Variants in TMEM131 observed in about 807,000 individuals in gnomAD.
The protein encoded by TMEM131 is transmembrane protein 131.
Under a neutral mutation model 211.6 loss-of-function variants are expected in TMEM131, and 66 were observed. The ratio of observed to expected loss-of-function variants is 0.31; its 90% CI spans 0.26 to 0.38. The LOEUF is 0.38. Among genes scored for constraint, TMEM131 ranks in the 10% least tolerant of loss-of-function variants. The pLI is 1.00. For missense variants in TMEM131, 2,036 were observed against 2,299.3 expected (o/e 0.89, Z 2.34); for synonymous variants, 844 against 841.3 (o/e 1.00, Z -0.06).
chr2:97,963,323 T>C, intron 1 of TMEM131, among the ~76,000 whole-genome samples: 1 of 152,200 alleles, frequency 6.6e-6, no homozygotes. Flanking sequence ...CTTTTATTAA[T>C]TTCTTGTATG....
chr2:97,800,803 G>A (rs1680997866), intron 25 of TMEM131, among the ~76,000 whole-genome samples: 1 of 151,830 alleles, frequency 6.6e-6, no homozygotes, highest in Admixed American at 6.6e-5. Flanking sequence ...GGAAGTTCTG[G>A]TTACTGAGCC....
chr2:97,905,395 G>C (rs1676027524), intron 3 of TMEM131, among the ~76,000 whole-genome samples: 1 of 152,088 alleles, frequency 6.6e-6, no homozygotes, highest in African/African-American at 2.4e-5. Context: ...TCGACAACTT[G>C]AATATTATCT....
intron 4 of TMEM131, among the ~76,000 whole-genome samples, chr2:97,881,948 G>A (rs1674954194): frequency 6.6e-6 from 1 of 152,106 alleles, no homozygotes; most frequent in African/African-American, 2.4e-5. Flanking sequence ...CTTTAAAAGA[G>A]GATCTATTCT....
chr2:97,805,774 G>T, intron 19 of TMEM131, 71 bp from the exon 20 acceptor site: 1 of 1,376,448 alleles, frequency 7.3e-7, no homozygotes, highest in Non-Finnish European at 9.8e-7. Context: ...AAGTTTCAGA[G>T]TAGACAAGCA....
intron 33 of TMEM131, among the ~76,000 whole-genome samples, chr2:97,770,447 C>T (rs1358032619): frequency 6.6e-6 from 1 of 152,200 alleles, no homozygotes; most frequent in Non-Finnish European, 1.5e-5. Context: ...AATGATTTAT[C>T]TTTTAACTAC....
chr2:97,853,365 C>T (rs925169985), intron 5 of TMEM131, among the ~76,000 whole-genome samples: 9 of 143,262 alleles, frequency 6.3e-5, no homozygotes, highest in East Asian at 2.1e-4. Context: ...GAGGCTGAGG[C>T]GGGTGGATCA....
At chr2:97,927,189 C>T (rs138588780) in intron 2 of TMEM131, among the ~76,000 whole-genome samples, 1 of 152,180 alleles carries the variant, frequency 6.6e-6, no homozygotes, top group East Asian at 1.9e-4. Context: ...TGATAATGTA[C>T]TTATTTACAA....
At chr2:97,943,561 T>A (rs1410421267) in intron 1 of TMEM131, among the ~76,000 whole-genome samples, 1 of 152,210 alleles carries the variant, frequency 6.6e-6, no homozygotes, top group Non-Finnish European at 1.5e-5. Context: ...TAAGCTAGAA[T>A]ACTTAATAAT....
At chr2:97,797,792 C>G (rs1439704639) in intron 25 of TMEM131, among the ~76,000 whole-genome samples, 2 of 152,248 alleles carry the variant, frequency 1.3e-5, no homozygotes, top group Non-Finnish European at 2.9e-5. Context: ...TTTTTGGATA[C>G]ATATCTTTTT....
chr2:97,812,897 G>A (rs900262712), intron 15 of TMEM131, 148 bp from the exon 16 acceptor site: 21 of 456,918 alleles, frequency 4.6e-5, no homozygotes, highest in Admixed American at 8.1e-5. Context: ...CCAGCTACTC[G>A]GAAGGCTGAG....
intron 2 of TMEM131, among the ~76,000 whole-genome samples, chr2:97,919,321 T>C (rs1221378187): frequency 1.3e-5 from 2 of 152,250 alleles, no homozygotes; most frequent in Non-Finnish European, 2.9e-5. Flanking sequence ...TTATTTCCTT[T>C]GGCACAAATT....
chr2:97,859,203 T>C, intron 5 of TMEM131, 101 bp downstream of exon 5: 1 of 1,254,362 alleles, frequency 8.0e-7, no homozygotes, highest in Admixed American at 2.7e-5. Context: ...AGATTTGAAA[T>C]ATTCAAACCC....
At chr2:97,817,994 TTGTGAC>T (rs1426062228) in intron 12 of TMEM131, among the ~76,000 whole-genome samples, 4 of 152,330 alleles carry the variant, frequency 2.6e-5, no homozygotes, top group Admixed American at 2.0e-4. Context: ...TTTAAAAATG[TTGTGAC>T]AGCAAATTCA....
intron 31 of TMEM131, among the ~76,000 whole-genome samples, chr2:97,780,684 A>T (rs1379400015): frequency 6.6e-6 from 1 of 152,202 alleles, no homozygotes; most frequent in Non-Finnish European, 1.5e-5. Context: ...TTAAAAAAAC[A>T]GAATTCAGAG....
chr2:97,904,793 T>A (rs560337754), intron 3 of TMEM131, among the ~76,000 whole-genome samples: 1 of 151,822 alleles, frequency 6.6e-6, no homozygotes, highest in Admixed American at 6.6e-5. Context: ...TTATTGGCTA[T>A]AGTTCTTTTT....
chr2:97,904,798 CTTTT>C (rs74265071), intron 3 of TMEM131, among the ~76,000 whole-genome samples: 1 of 138,856 alleles, frequency 7.2e-6, no homozygotes. Flanking sequence ...GGCTATAGTT[CTTTT>C]TTTTTTTTTG....
At chr2:97,905,525 T>C (rs1450564238) in intron 3 of TMEM131, among the ~76,000 whole-genome samples, 1 of 152,214 alleles carries the variant, frequency 6.6e-6, no homozygotes, top group Non-Finnish European at 1.5e-5. Context: ...TTGCTACTAC[T>C]GTACCAGAGG....
intron 11 of TMEM131, among the ~76,000 whole-genome samples, chr2:97,819,254 A>G (rs776877290): frequency 2.0e-5 from 3 of 152,208 alleles, no homozygotes; most frequent in Non-Finnish European, 2.9e-5. Flanking sequence ...ATCCAGAGAG[A>G]GGGCTATACT....
intron 4 of TMEM131, among the ~76,000 whole-genome samples, chr2:97,887,448 T>C (rs968404480): frequency 5.3e-5 from 8 of 152,152 alleles, no homozygotes; most frequent in Non-Finnish European, 1.0e-4. Context: ...GGGTGCACTG[T>C]GGGGCTCTTT....
Sources: allele counts gnomAD v4.1 joint callset (sites outside exome capture counted in the v4.1 genomes callset), GRCh38; gene constraint gnomAD v4.1.1; transcripts MANE v1.5; gene names NCBI Gene and HGNC (gene_info 2026-07-23, HGNC 2026-07-21).